The following CLEC4C variants were observed in gnomAD, a reference collection of about 807,000 sequenced individuals.
CLEC4C encodes the protein C-type lectin domain family 4 member C.
A neutral mutation model predicts 27.7 loss-of-function variants in CLEC4C; 17 were observed. That is an observed-to-expected ratio of 0.61 (90% CI 0.42 to 0.92). The LOEUF is 0.92. CLEC4C is among the 40% of genes least tolerant of loss of function. The pLI, the probability that CLEC4C is intolerant of heterozygous loss-of-function variation, is 0.00. For missense variants in CLEC4C, 244 were observed against 257.3 expected, an observed-to-expected ratio of 0.95 and a Z score of 0.35; for synonymous variants, 80 against 80.8, an observed-to-expected ratio of 0.99 and a Z score of 0.06.
Position 7,729,538 on chromosome 12 carries a change from T to C in CLEC4C, c.*58A>G, listed in dbSNP as rs1305929679. Reference sequence around the variant, plus strand: ...CTTACACATAAATTAAAAAATCAATTTAGCTTTCTACAACGGTGGATGCCA... The same window carrying C: ...CTTACACATAAATTAAAAAATCAATCTAGCTTTCTACAACGGTGGATGCCA... On this transcript the variant is annotated 3_prime_UTR_variant, in exon 6 of 6. Coordinates refer to ENST00000360345, the MANE Select transcript of CLEC4C (RefSeq NM_001371390.1). 80 of 1,529,670 alleles carry C rather than the reference T, an allele frequency of 5.2e-5. No individual in the cohort carries two copies. The highest frequency in any genetic ancestry group is 6.9e-5 in the Non-Finnish European group (78 of 1,122,874). 94.8% of individuals were successfully genotyped at this position (1,529,670 alleles called of 1,614,324 possible). A position where few individuals can be genotyped will look rare whatever the true frequency, so the allele number is the denominator to read the frequency against.
intron 2 of CLEC4C, among the ~76,000 whole-genome samples, chr12:7,743,603 T>A (rs1864909997): frequency 6.6e-6 from 1 of 151,860 alleles, no homozygotes; most frequent in Admixed American, 6.6e-5. Flanking sequence ...ATGGTCTCGA[T>A]CTCCTGACCT....
chr12:7,730,793 T>C lies in CLEC4C; in HGVS notation c.497+4A>G, dbSNP rs748753581. On this transcript the variant is annotated splice_donor_region_variant and intron_variant, in intron 5 of 5. Transcript: ENST00000360345. ...CAGTGTCCTTTACCTCATTCTATAC[T>C]CACGTGACATTTTCATTGTATGGTG... The C allele has an allele frequency of 1.3e-5, 20 of 1,514,756 alleles. No homozygotes were observed. The highest frequency in any genetic ancestry group is 4.1e-5 in the African/African-American group (3 of 73,004). The allele number at this position is 1,514,756 out of a possible 1,614,324, so 93.8% of individuals were successfully genotyped here. A position where few individuals can be genotyped will look rare whatever the true frequency, so the allele number is the denominator to read the frequency against.
intron 4 of CLEC4C, among the ~76,000 whole-genome samples, chr12:7,737,094 G>A (rs778896750): frequency 6.6e-6 from 1 of 151,894 alleles, no homozygotes; most frequent in Admixed American, 6.6e-5. Flanking sequence ...AGCCAGGCGT[G>A]GCGGTACATG....
chr12:7,738,471 T>C (rs909919866), intron 3 of CLEC4C, among the ~76,000 whole-genome samples: 4 of 152,200 alleles, frequency 2.6e-5, no homozygotes, highest in African/African-American at 9.6e-5. Flanking sequence ...TGTTTTTCTT[T>C]ATATTTTGAC....
intron 3 of CLEC4C, among the ~76,000 whole-genome samples, chr12:7,740,280 A>G (rs2120411320): frequency 6.6e-6 from 1 of 152,224 alleles, no homozygotes; most frequent in East Asian, 1.9e-4. Flanking sequence ...GCCAGGCATA[A>G]TTTTATTCTT....
At position 7,741,489 on chromosome 12, in the gene CLEC4C, G is replaced by A; in HGVS notation, c.167C>T (p.Ser56Phe). Residue 56 changes from serine to phenylalanine, a missense_variant, in exon 3 of 6, where the codon TCC becomes TTC. By Grantham distance (155) the Ser-to-Phe change is radical. Transcript: ENST00000360345. ...FMYSKTVKRL[S>F]KLREYQQYHP... The stretch of plus-strand genomic sequence containing the variant: ...ATACTGTTGATACTCTCGTAACTTG[G>A]ACAGCCTCTTGACAGTTTTGCTATA... 6.2e-7 allele frequency: 1 copy of A among 1,612,546 alleles called. No individual in the cohort carries two copies. The highest frequency in any genetic ancestry group is 1.1e-5 in the South Asian group (1 of 91,060).
intron 4 of CLEC4C, among the ~76,000 whole-genome samples, chr12:7,735,509 A>G (rs1217890103): frequency 2.0e-5 from 3 of 149,540 alleles, no homozygotes; most frequent in African/African-American, 4.9e-5. Flanking sequence ...TCTCAAAGAA[A>G]AAAAAAAAAA....
At chr12:7,747,838 C>A (rs1314044198), upstream of CLEC4C, among the ~76,000 whole-genome samples, 2 of 140,894 alleles carry the variant, frequency 1.4e-5, no homozygotes, top group African/African-American at 5.3e-5. Context: ...GACAGGGTTT[C>A]ATCATACTGG....
chr12:7,743,475 C>G (rs1864905385), intron 2 of CLEC4C, among the ~76,000 whole-genome samples: 1 of 151,762 alleles, frequency 6.6e-6, no homozygotes, highest in Non-Finnish European at 1.5e-5. Context: ...AGCTCCGCCT[C>G]CTGGGTTCAT....
chr12:7,731,990 AAAC>A (rs1428854378), intron 4 of CLEC4C, among the ~76,000 whole-genome samples: 1 of 152,116 alleles, frequency 6.6e-6, no homozygotes, highest in East Asian at 1.9e-4. Flanking sequence ...CAAAAATAAA[AAAC>A]AACTTTGCAT....
chr12:7,747,256 C>A, intron 1 of CLEC4C, 62 bp downstream of exon 1: 1 of 1,455,384 alleles, frequency 6.9e-7, no homozygotes, highest in South Asian at 1.1e-5. Context: ...CACCTCAATG[C>A]CTGTTTCCCA....
chr12:7,743,625 C>T (rs1283563711), intron 2 of CLEC4C, among the ~76,000 whole-genome samples: 3 of 151,814 alleles, frequency 2.0e-5, no homozygotes, highest in African/African-American at 4.8e-5. Context: ...GTGATCCGTC[C>T]GCCTCGGCCT....
chr12:7,740,657 C>T (rs767176449), intron 3 of CLEC4C, among the ~76,000 whole-genome samples: 23 of 149,558 alleles, frequency 1.5e-4, no homozygotes, highest in East Asian at 2.0e-4. Flanking sequence ...GCCGAGATCG[C>T]GCCACTGCAC....
intron 3 of CLEC4C, among the ~76,000 whole-genome samples, chr12:7,739,722 C>T (rs1038659983): frequency 6.6e-6 from 1 of 152,020 alleles, no homozygotes; most frequent in Non-Finnish European, 1.5e-5. Flanking sequence ...CTTTGTCACC[C>T]GGGCTGGAGT....
chr12:7,730,655 AAAG>A, intron 5 of CLEC4C, 139 bp downstream of exon 5: 2 of 471,062 alleles, frequency 4.2e-6, no homozygotes, highest in Non-Finnish European at 7.7e-6. Flanking sequence ...AAAAAAAAAA[AAAG>A]CACAACCCTT....
intron 3 of CLEC4C, among the ~76,000 whole-genome samples, chr12:7,738,663 T>C (rs893585238): frequency 1.3e-5 from 2 of 151,952 alleles, no homozygotes; most frequent in African/African-American, 4.8e-5. Context: ...CACACCCAGC[T>C]AATTTTTTTT....
intron 2 of CLEC4C, among the ~76,000 whole-genome samples, chr12:7,745,079 A>G (rs1180100137): frequency 2.0e-5 from 3 of 152,162 alleles, no homozygotes; most frequent in Non-Finnish European, 4.4e-5. Context: ...CACACCCATC[A>G]AAGTGGAGTT....
chr12:7,734,830 G>A (rs1449970968), intron 4 of CLEC4C, among the ~76,000 whole-genome samples: 3 of 151,978 alleles, frequency 2.0e-5, no homozygotes, highest in East Asian at 1.9e-4. Context: ...TTACAAGCAT[G>A]AGCCACCGTG....
At chr12:7,738,753 C>T (rs1300790821) in intron 3 of CLEC4C, among the ~76,000 whole-genome samples, 2 of 152,140 alleles carry the variant, frequency 1.3e-5, no homozygotes, top group Admixed American at 6.6e-5. Context: ...CCACTGGCCT[C>T]AGCTGCCCTG....
Sources: allele counts gnomAD v4.1 joint callset (sites outside exome capture counted in the v4.1 genomes callset), GRCh38; gene constraint gnomAD v4.1.1; transcripts MANE v1.5; gene names NCBI Gene and HGNC (gene_info 2026-07-23, HGNC 2026-07-21).